CC2D2B: variants seen among roughly 807,000 people sequenced by gnomAD.
CC2D2B encodes protein CC2D2B.
Under a neutral mutation model 161.2 loss-of-function variants are expected in CC2D2B, and 128 were observed. The ratio of observed to expected loss-of-function variants is 0.79; its 90% CI spans 0.69 to 0.92. The LOEUF (loss-of-function observed/expected upper bound fraction) is 0.92. CC2D2B is among the 40% of genes least tolerant of loss of function. The pLI, the probability that CC2D2B is intolerant of heterozygous loss-of-function variation, is 0.00. For synonymous variants in CC2D2B, 391 were observed against 449.8 expected (o/e 0.87, Z 1.65); for missense variants, 1,173 against 1,375.1 (o/e 0.85, Z 2.32).
Position 95,992,610 on chromosome 10 carries a change from C to A in CC2D2B, c.2555C>A (p.Ala852Glu). 1 of 1,234,082 alleles carries A rather than the reference C, an allele frequency of 8.1e-7. No homozygotes were observed. Among genetic ancestry groups the A allele is most frequent in the Middle Eastern group, 2.1e-4 (1 of 4,840 alleles). 76.4% of individuals were successfully genotyped at this position (1,234,082 alleles called of 1,614,324 possible). Residue 852 changes from alanine (A) to glutamate (E), a missense_variant, in exon 22 of 35, where the codon GCG (alanine) becomes GAG (glutamate). By Grantham distance (107) the Ala-to-Glu change is moderately radical. Transcript: ENST00000646931. Reference sequence around the variant, plus strand: ...AGGAAAGAAAGGAAAAAAGTCACAGCGCAGGCGATCTCTGACGGAGATATT... The same window carrying A: ...AGGAAAGAAAGGAAAAAAGTCACAGAGCAGGCGATCTCTGACGGAGATATT... ...PQRKERKKVT[A>E]QAISDGDIKI...
Position 95,924,601 on chromosome 10 carries a change from AT to A in CC2D2B, c.175-175del, listed in dbSNP as rs370419569. Among the ~76,000 whole-genome samples the A allele has an allele frequency of 4.9e-4, 75 of 152,274 alleles. No individual in the cohort carries two copies. The East Asian group carries it at 0.012, about 25-fold the overall frequency. Reference sequence around the variant, plus strand: ...ACCTAAAGCCAAGAAGAGCTAGGTGATTTGGTCATAGTAATTATAAATGACA... The same window carrying A: ...ACCTAAAGCCAAGAAGAGCTAGGTGATTGGTCATAGTAATTATAAATGACA... On this transcript the variant is annotated intron_variant, in intron 4 of 34. Coordinates refer to ENST00000646931, the MANE Select transcript of CC2D2B (RefSeq NM_001349008.3).
In CC2D2B at chr10:95,950,022, GTAT is replaced by G. The variant is rs1301406246; in HGVS notation, c.932_934del (p.Leu311del). ...TCATCATCTCTTCAATCAAGAGCAAGTATTATGCGCAAGGCTTCTCCAACTTTA... is the reference window on the plus strand; with the variant it reads ...TCATCATCTCTTCAATCAAGAGCAAGTATGCGCAAGGCTTCTCCAACTTTA... On this transcript the variant is annotated inframe_deletion, in exon 10 of 35. Transcript: ENST00000646931. 1 of 398,668 alleles carries G rather than the reference GTAT, an allele frequency of 2.5e-6. No homozygotes were observed. Among genetic ancestry groups the G allele is most frequent in the African/African-American group, 2.1e-5 (1 of 48,614 alleles). The allele number at this position is 398,668 out of a possible 1,614,324, so 24.7% of individuals were successfully genotyped here. A position where few individuals can be genotyped will look rare whatever the true frequency, so the allele number is the denominator to read the frequency against.
At chr10:95,992,088 G>A (rs759583074) in intron 21 of CC2D2B, among the ~76,000 whole-genome samples, 6 of 152,196 alleles carry the variant, frequency 3.9e-5, no homozygotes, top group Admixed American at 1.3e-4. Context: ...GGGAAAATGA[G>A]TGTGACCATA....
intron 20 of CC2D2B, among the ~76,000 whole-genome samples, 154 bp downstream of exon 20, chr10:95,988,496 A>G (rs1040228058): frequency 6.6e-6 from 1 of 152,214 alleles, no homozygotes; most frequent in Non-Finnish European, 1.5e-5. Flanking sequence ...TGTTCTTTTC[A>G]GACCTCTTTT....
chr10:95,971,160 A>G (rs2141493071), intron 15 of CC2D2B, among the ~76,000 whole-genome samples: 1 of 152,238 alleles, frequency 6.6e-6, no homozygotes, highest in South Asian at 2.1e-4. Flanking sequence ...AGGCCAAGGC[A>G]GGCAGATCAC....
intron 2 of CC2D2B, among the ~76,000 whole-genome samples, chr10:95,917,871 G>A (rs1252216968): frequency 1.3e-5 from 2 of 152,068 alleles, no homozygotes; most frequent in Non-Finnish European, 2.9e-5. Context: ...TCCACCTCTG[G>A]ATTCAGATGA....
At chr10:96,020,892 C>T (rs548657097) in intron 32 of CC2D2B, 15 of 152,116 alleles carry the variant, frequency 9.9e-5, no homozygotes, top group African/African-American at 3.1e-4. Flanking sequence ...AAGAACTACC[C>T]GGGCATGGTG....
intron 19 of CC2D2B, among the ~76,000 whole-genome samples, chr10:95,985,895 C>A (rs766696504): frequency 1.3e-5 from 2 of 152,100 alleles, no homozygotes; most frequent in Non-Finnish European, 2.9e-5. Context: ...ATGAAATAAG[C>A]CCCGGTCTCC....
At position 95,924,793 on chromosome 10, in the gene CC2D2B, A is replaced by G; in HGVS notation, c.189A>G (p.Glu63=). The change falls in exon 5 of 35, where the codon GAA becomes GAG. Residue 63 remains glutamate (E), a synonymous_variant. Coordinates refer to ENST00000646931, the MANE Select transcript of CC2D2B (RefSeq NM_001349008.3). ...KLKISKINKG[E]KSSTEQLIDS... is the part of the protein sequence containing the mutation. Reference sequence around the variant, plus strand: ...TTGTGTTTCAGATTAATAAAGGTGAAAAATCTTCAACTGAGCAGCTCATTG... The same window carrying G: ...TTGTGTTTCAGATTAATAAAGGTGAGAAATCTTCAACTGAGCAGCTCATTG... The G allele has an allele frequency of 1.9e-6, 3 of 1,542,214 alleles. No individual in the cohort carries two copies. Among genetic ancestry groups the G allele is most frequent in the Non-Finnish European group, 2.6e-6 (3 of 1,138,724 alleles).
chr10:95,963,476 G>A (rs566693584), intron 12 of CC2D2B, among the ~76,000 whole-genome samples: 235 of 152,218 alleles, frequency 1.5e-3, no homozygotes, highest in African/African-American at 5.4e-3. Context: ...TCTAAATAAG[G>A]TAATTGAGTG....
At position 96,015,019 on chromosome 10, in the gene CC2D2B, G is replaced by GC. The variant is rs533337506; in HGVS notation, c.3516+1147dup. On this transcript the variant is annotated intron_variant, in intron 29 of 34. Transcript: ENST00000646931. ...CCCACCCCTTATCCCCACCTCCCTG[G>GC]CCCCCACAGCCCCTTCTCAGGGACT... Among the ~76,000 whole-genome samples the GC allele has an allele frequency of 1.6e-4, 24 of 151,764 alleles. No individual in the cohort carries two copies. In the South Asian group the frequency reaches 4.8e-3, roughly 30 times the overall value.
In CC2D2B at chr10:95,922,067, C is replaced by T; in HGVS notation, c.88C>T (p.Leu30Phe). Residue 30 changes from leucine (L) to phenylalanine (F), a missense_variant, in exon 3 of 35, where the codon CTC becomes TTC. Leu to Phe is a conservative substitution (Grantham distance 22). This residue lies in a region of CC2D2B where 298 missense variants were observed against 261.2 expected (regional missense o/e 1.14). Coordinates refer to ENST00000646931, the MANE Select transcript of CC2D2B (RefSeq NM_001349008.3). ...ITAEEIIDKH[L>F]QKDLDAEENQ... Reference sequence around the variant, plus strand: ...AGCTGAAGAAATTATAGACAAGCATCTCCAAAAAGGTTCTCAATAAGTATA... The same window carrying T: ...AGCTGAAGAAATTATAGACAAGCATTTCCAAAAAGGTTCTCAATAAGTATA... The T allele has an allele frequency of 6.6e-7, 1 of 1,523,858 alleles. No homozygotes were observed. Among genetic ancestry groups the T allele is most frequent in the South Asian group, 1.2e-5 (1 of 82,216 alleles). 94.4% of individuals were successfully genotyped at this position (1,523,858 alleles called of 1,614,324 possible). A position where few individuals can be genotyped will look rare whatever the true frequency, so the allele number is the denominator to read the frequency against.
rs562354984 is a variant in CC2D2B at position 95,972,080 on chromosome 10, T to C, written c.1659T>C (p.Ser553=). The C allele has an allele frequency of 8.1e-7, 1 of 1,229,358 alleles. No individual in the cohort carries two copies. The highest frequency in any genetic ancestry group is 4.1e-5 in the South Asian group (1 of 24,248). The allele number at this position is 1,229,358 out of a possible 1,614,324, so 76.2% of individuals were successfully genotyped here. Residue 553 remains serine (S), a synonymous_variant, in exon 16 of 35, where the codon AGT becomes AGC. Transcript: ENST00000646931. ...EVICLEVYEK[S]KRTSLLAKLY... ...TTTATATTTAGGTTTATGAAAAAAGTAAAAGGACAAGCTTACTGGCAAAAC... is the reference window on the plus strand; with the variant it reads ...TTTATATTTAGGTTTATGAAAAAAGCAAAAGGACAAGCTTACTGGCAAAAC...
chr10:96,018,245 T>C (rs1018182154), intron 30 of CC2D2B, among the ~76,000 whole-genome samples: 1 of 152,234 alleles, frequency 6.6e-6, no homozygotes, highest in African/African-American at 2.4e-5. Context: ...TTTGGTAGGA[T>C]AGGCTTACAC....
At chr10:95,945,535 C>T (rs1316743227) in intron 9 of CC2D2B, among the ~76,000 whole-genome samples, 1 of 152,120 alleles carries the variant, frequency 6.6e-6, no homozygotes, top group Non-Finnish European at 1.5e-5. Flanking sequence ...TATGACCTTC[C>T]CTCTGCTCCC....
intron 10 of CC2D2B, 54 bp downstream of exon 10, chr10:95,950,159 T>G: frequency 2.5e-6 from 1 of 398,294 alleles, no homozygotes; most frequent in East Asian, 3.6e-5. Context: ...AAAGAAAAAA[T>G]TCCTTGTGCA....
intron 24 of CC2D2B, among the ~76,000 whole-genome samples, chr10:95,997,575 A>T (rs1409903268): frequency 6.6e-6 from 1 of 152,010 alleles, no homozygotes; most frequent in Non-Finnish European, 1.5e-5. Flanking sequence ...TTTTTGTAGC[A>T]CTAGGGTCTC....
At chr10:95,976,397 G>A (rs1396350564) in intron 17 of CC2D2B, among the ~76,000 whole-genome samples, 1 of 152,210 alleles carries the variant, frequency 6.6e-6, no homozygotes, top group Non-Finnish European at 1.5e-5. Flanking sequence ...ACAAAAGATT[G>A]AAAACAGTTA....
intron 24 of CC2D2B, 97 bp downstream of exon 24, chr10:95,996,349 T>G (rs2078229010): frequency 1.7e-6 from 1 of 594,174 alleles, no homozygotes; most frequent in South Asian, 2.4e-5. Flanking sequence ...TGAAATAGGC[T>G]TTATTTAAGC....
Sources: gnomAD v4.1 joint callset for allele counts (sites outside exome capture counted in the v4.1 genomes callset) on GRCh38, gnomAD v4.1.1 for gene constraint, gnomAD v4.1.1 regional missense constraint, MANE v1.5 for transcripts, NCBI Gene and HGNC (gene_info 2026-07-23, HGNC 2026-07-21) for gene names.